FAM217B: variants seen among roughly 807,000 people sequenced by gnomAD.
The protein encoded by FAM217B is protein FAM217B.
For synonymous variants in FAM217B, 163 were observed against 173.0 expected, an observed-to-expected ratio of 0.94 and a Z score of 0.45; for missense variants, 463 against 456.9, an observed-to-expected ratio of 1.01 and a Z score of -0.12.
upstream of FAM217B, chr20:59,939,589 G>C (rs958094821): frequency 3.7e-6 from 6 of 1,604,400 alleles, no homozygotes; most frequent in Non-Finnish European, 5.1e-6. Context: ...ACCTTGACCT[G>C]TGCCAGCTCC....
chr20:59,945,562 A>G lies in FAM217B; in HGVS notation c.*467A>G, dbSNP rs2060932785. On this transcript the variant is annotated 3_prime_UTR_variant, in exon 4 of 4. Coordinates refer to ENST00000360816, the MANE Select transcript of FAM217B (RefSeq NM_022106.3). ...TGCCCACTCCCTCGCTTACTTTTTT[A>G]TAAACTCCTCAAGCAAAATTTCTGT... 5.9e-6 allele frequency: 1 copy of G among 168,582 alleles called. No individual in the cohort carries two copies. The highest frequency in any genetic ancestry group is 1.4e-5 in the Non-Finnish European group (1 of 69,128). 10.4% of individuals were successfully genotyped at this position (168,582 alleles called of 1,614,324 possible). A position where few individuals can be genotyped will look rare whatever the true frequency, so the allele number is the denominator to read the frequency against.
intron 1 of FAM217B, among the ~76,000 whole-genome samples, chr20:59,940,849 CA>C (rs2060900400): frequency 6.6e-6 from 1 of 152,176 alleles, no homozygotes; most frequent in South Asian, 2.1e-4. Flanking sequence ...ACCGAATGGC[CA>C]GCAGATTCCC....
rs1601046929 is a variant in FAM217B, at chr20:59,943,793, A to G, written c.-4-147A>G. 6.3e-6 allele frequency: 4 copies of G among 630,948 alleles called. No homozygotes were observed. In the South Asian group the frequency reaches 8.9e-5, roughly 14 times the overall value. 39.1% of individuals were successfully genotyped at this position (630,948 alleles called of 1,614,324 possible). On this transcript the variant is annotated intron_variant, in intron 3 of 3. Transcript: ENST00000360816. ...TGTTCTGTAAAATTACTTATGCTTT[A>G]AGGAGTTTGGAAGCTGACATTTTCT...
upstream of FAM217B, chr20:59,938,781 C>T (rs1256260401): frequency 2.8e-6 from 1 of 361,058 alleles, no homozygotes; most frequent in Non-Finnish European, 4.9e-6. Context: ...GCACCTACCC[C>T]ACCACCCTGC....
chr20:59,945,416 C>A lies in FAM217B; in HGVS notation c.*321C>A. On this transcript the variant is annotated 3_prime_UTR_variant, in exon 4 of 4. Coordinates refer to ENST00000360816, the MANE Select transcript of FAM217B (RefSeq NM_022106.3). ...TCAGTGAAACCTCAGCTACAGTAGCCGGTCTGTGTAGAGCAGCTAGTGGTG... is the reference window on the plus strand; with the variant it reads ...TCAGTGAAACCTCAGCTACAGTAGCAGGTCTGTGTAGAGCAGCTAGTGGTG... The A allele has an allele frequency of 3.7e-6, 1 of 268,542 alleles. No individual in the cohort carries two copies. 16.6% of individuals were successfully genotyped at this position (268,542 alleles called of 1,614,324 possible).
rs1377506027 is a variant in FAM217B at position 59,947,965 on chromosome 20, G to A, written c.*2870G>A. On this transcript the variant is annotated 3_prime_UTR_variant, in exon 4 of 4. Coordinates refer to ENST00000360816, the MANE Select transcript of FAM217B (RefSeq NM_022106.3). ...ACATGGGTTATTGTATTTCCGAGAA[G>A]TGCCTCTCATTTCTGGGGAGTTGTT... 1 of 164,938 alleles carries A rather than the reference G, an allele frequency of 6.1e-6. No individual in the cohort carries two copies. Among genetic ancestry groups the A allele is most frequent in the Non-Finnish European group, 1.5e-5 (1 of 67,916 alleles). 10.2% of individuals were successfully genotyped at this position (164,938 alleles called of 1,614,324 possible).
At chr20:59,936,853 A>G (rs552453386), upstream of FAM217B, 1 of 152,480 alleles carries the variant, frequency 6.6e-6, no homozygotes, top group East Asian at 1.9e-4. Flanking sequence ...ATATACTTTA[A>G]TACTTAGGCT....
chr20:59,941,401 A>G (rs1000945651), intron 1 of FAM217B, among the ~76,000 whole-genome samples: 7 of 152,248 alleles, frequency 4.6e-5, no homozygotes, highest in Admixed American at 6.5e-5. Context: ...GATGTAAGCT[A>G]ACTAAAAAGG....
chr20:59,941,662 T>C (rs187035816), intron 1 of FAM217B, among the ~76,000 whole-genome samples: 47 of 152,336 alleles, frequency 3.1e-4, no homozygotes, highest in African/African-American at 1.0e-3. Context: ...GAAAGTCTTA[T>C]AATGGATTGA....
rs774587860 is a variant in FAM217B, at chr20:59,944,138, C to T, written c.195C>T (p.Ser65=). 1.2e-6 allele frequency: 2 copies of T among 1,613,948 alleles called. No individual in the cohort carries two copies. Among genetic ancestry groups the T allele is most frequent in the African/African-American group, 1.3e-5 (1 of 74,888 alleles). Residue 65 remains serine (S), a synonymous_variant, in exon 4 of 4, where the codon TCC becomes TCT. Transcript: ENST00000360816. The part of the protein sequence containing the change: ...EARRKRNPLG[S]RCQGASGNKL... Reference sequence around the variant, plus strand: ...GACGCAAAAGGAATCCACTCGGTTCCAGGTGTCAGGGGGCCTCAGGGAATA... The same window carrying T: ...GACGCAAAAGGAATCCACTCGGTTCTAGGTGTCAGGGGGCCTCAGGGAATA...
At chr20:59,938,934 T>G (rs2060878112), upstream of FAM217B, 2 of 1,209,440 alleles carry the variant, frequency 1.7e-6, no homozygotes, top group South Asian at 2.1e-5. Context: ...ACTTGGAGGG[T>G]GGTGAAGAAC....
intron 3 of FAM217B, among the ~76,000 whole-genome samples, chr20:59,943,399 A>G (rs188367224): frequency 2.6e-5 from 4 of 152,342 alleles, no homozygotes; most frequent in African/African-American, 9.6e-5. Flanking sequence ...ACAGGTTTGT[A>G]TGTGCAATAC....
rs1172725573 is a variant in FAM217B at position 59,944,790 on chromosome 20, A to G, written c.847A>G (p.Arg283Gly). The G allele has an allele frequency of 6.2e-7, 1 of 1,614,204 alleles. No homozygotes were observed. Among genetic ancestry groups the G allele is most frequent in the Admixed American group, 1.7e-5 (1 of 60,032 alleles). Reference sequence around the variant, plus strand: ...TGGTGGTACCAGGTTTTGTTCTCAGAGGCAAACCCTTGAAATGAGGACAGA... The same window carrying G: ...TGGTGGTACCAGGTTTTGTTCTCAGGGGCAAACCCTTGAAATGAGGACAGA... ...VLGGTRFCSQ[R>G]QTLEMRTEEK... The change falls in exon 4 of 4, where the codon AGG becomes GGG. Residue 283 changes from arginine to glycine, a missense_variant. Coordinates refer to ENST00000360816, the MANE Select transcript of FAM217B (RefSeq NM_022106.3).
upstream of FAM217B, chr20:59,938,785 A>C (rs1601039783): frequency 2.8e-6 from 1 of 351,404 alleles, no homozygotes; most frequent in African/African-American, 2.1e-5. Flanking sequence ...CTACCCCACC[A>C]CCCTGCCCCA....
At chr20:59,935,190 C>T (rs1401141868) in intron 1 of FAM217B, among the ~76,000 whole-genome samples, 5 of 152,116 alleles carry the variant, frequency 3.3e-5, no homozygotes, top group Admixed American at 1.3e-4. Flanking sequence ...CCTAGTTTTC[C>T]GCCAATAGAT....
Position 59,948,232 on chromosome 20 carries a change from A to G in FAM217B, c.*3137A>G, listed in dbSNP as rs1395260460. Reference sequence around the variant, plus strand: ...GGCTGAAGACTTGTAACTAACTTGAATAGGATAGACTTCATACCCTGTGAC... The same window carrying G: ...GGCTGAAGACTTGTAACTAACTTGAGTAGGATAGACTTCATACCCTGTGAC... On this transcript the variant is annotated 3_prime_UTR_variant, in exon 4 of 4. Coordinates refer to ENST00000360816, the MANE Select transcript of FAM217B (RefSeq NM_022106.3). 1 of 167,046 alleles carries G rather than the reference A, an allele frequency of 6.0e-6. No individual in the cohort carries two copies. Among genetic ancestry groups the G allele is most frequent in the Non-Finnish European group, 1.5e-5 (1 of 68,094 alleles). The allele number at this position is 167,046 out of a possible 1,614,324, so 10.3% of individuals were successfully genotyped here.
At chr20:59,935,022 C>T (rs575093431) in intron 1 of FAM217B, among the ~76,000 whole-genome samples, 7 of 152,326 alleles carry the variant, frequency 4.6e-5, no homozygotes, top group Admixed American at 2.0e-4. Flanking sequence ...CTAAGGTACA[C>T]AGGTGTACGC....
chr20:59,938,798 T>G (rs970571606), upstream of FAM217B: 1 of 328,506 alleles, frequency 3.0e-6, no homozygotes, highest in Non-Finnish European at 5.5e-6. Flanking sequence ...CTGCCCCAAC[T>G]CATTACACAA....
upstream of FAM217B, among the ~76,000 whole-genome samples, chr20:59,935,863 CAGGT>C (rs1442314582): frequency 2.0e-5 from 3 of 152,188 alleles, no homozygotes; most frequent in East Asian, 1.9e-4. Flanking sequence ...TGTCATATAA[CAGGT>C]AGAGAGAGCA....
Sources: gnomAD v4.1 joint callset for allele counts (sites outside exome capture counted in the v4.1 genomes callset) on GRCh38, gnomAD v4.1.1 for gene constraint, MANE v1.5 for transcripts, NCBI Gene and HGNC (gene_info 2026-07-23, HGNC 2026-07-21) for gene names.